Variants in UTRN observed in about 807,000 individuals in gnomAD.
UTRN encodes the protein utrophin, also known as dystrophin-related protein 1.
A neutral mutation model predicts 463.9 loss-of-function variants in UTRN; 283 were observed. The observed-to-expected ratio is 0.61, with a 90% CI of 0.55 to 0.67. The LOEUF is 0.67. UTRN is among the 30% of genes least tolerant of loss of function. UTRN has a pLI of 0.00. For synonymous variants in UTRN, 1,442 were observed against 1,431.5 expected, an observed-to-expected ratio of 1.01 and a Z score of -0.17; for missense variants, 3,922 against 4,084.3, an observed-to-expected ratio of 0.96 and a Z score of 1.08.
chr6:144,409,713 A>T (rs1783714158), intron 3 of UTRN, among the ~76,000 whole-genome samples: 1 of 152,190 alleles, frequency 6.6e-6, no homozygotes, highest in Non-Finnish European at 1.5e-5. Context: ...TTTTAGCTGC[A>T]ATTGCCACAG....
chr6:144,729,241 G>A (rs1490717481), intron 53 of UTRN, among the ~76,000 whole-genome samples: 1 of 151,996 alleles, frequency 6.6e-6, no homozygotes, highest in Admixed American at 6.6e-5. Flanking sequence ...TTTTTTGTGT[G>A]TATGTTGCTT....
chr6:144,469,946 C>T (rs1790350856), intron 23 of UTRN, among the ~76,000 whole-genome samples: 1 of 152,166 alleles, frequency 6.6e-6, no homozygotes, highest in South Asian at 2.1e-4. Context: ...TAACAAAGCA[C>T]ATCTTGCACC....
Position 144,437,557 on chromosome 6 carries a change from C to T in UTRN, c.1060-8C>T, listed in dbSNP as rs193220917. On this transcript the variant is annotated splice_region_variant and splice_polypyrimidine_tract_variant and intron_variant, in intron 10 of 74. Transcript: ENST00000367545. ...TAGCTCACAAATTATAACAATGTCC[C>T]TTTCTAGGCTTTTATGATGGAACTG... 4 of 1,590,202 alleles carry T rather than the reference C, an allele frequency of 2.5e-6. No individual in the cohort carries two copies. The highest frequency in any genetic ancestry group is 2.3e-5 in the East Asian group (1 of 44,272).
intron 51 of UTRN, among the ~76,000 whole-genome samples, chr6:144,600,244 A>C (rs1203472931): frequency 1.3e-5 from 2 of 152,214 alleles, no homozygotes; most frequent in African/African-American, 4.8e-5. Flanking sequence ...GAAGAATTGC[A>C]CAATGCTCAC....
intron 2 of UTRN, among the ~76,000 whole-genome samples, chr6:144,379,107 G>A (rs1468703966): frequency 6.6e-6 from 1 of 152,208 alleles, no homozygotes; most frequent in Non-Finnish European, 1.5e-5. Flanking sequence ...AGCTATCTCA[G>A]TGGAGATGTC....
chr6:144,796,215 A>T (rs1777198805), intron 63 of UTRN, among the ~76,000 whole-genome samples: 1 of 152,144 alleles, frequency 6.6e-6, no homozygotes, highest in South Asian at 2.1e-4. Flanking sequence ...CAAAGATCAG[A>T]TGGTTGTAGA....
intron 41 of UTRN, among the ~76,000 whole-genome samples, chr6:144,523,670 G>A (rs1335205724): frequency 3.9e-5 from 6 of 152,170 alleles, no homozygotes; most frequent in African/African-American, 1.4e-4. Flanking sequence ...ATGTGATCAT[G>A]TATAGATGAC....
Position 144,487,675 on chromosome 6 carries a change from G to T in UTRN, c.3950G>T (p.Arg1317Leu). 6.2e-7 allele frequency: 1 copy of T among 1,612,178 alleles called. No homozygotes were observed. Among genetic ancestry groups the T allele is most frequent in the African/African-American group, 1.3e-5 (1 of 74,950 alleles). The change falls in exon 29 of 75, where the codon CGA (arginine) becomes CTA (leucine). Residue 1317 changes from arginine (R) to leucine (L), a missense_variant. Arg to Leu is a moderately radical substitution (Grantham distance 102, BLOSUM62 -2). Around this residue, in one of 3 missense-constraint regions of UTRN, gnomAD observed 2,349 missense variants for 2,303.8 expected, o/e 1.02. Transcript: ENST00000367545. ...ISEKLEAFNS[R>L]YEDLSHLAES... is the part of the protein sequence containing the mutation. ...GAGAAACTGGAGGCTTTCAACAGCC[G>T]ATATGAAGATCTAAGTCACCTGGTA...
chr6:144,289,614 G>A (rs1289121560), intron 1 of UTRN, among the ~76,000 whole-genome samples: 1 of 151,924 alleles, frequency 6.6e-6, no homozygotes, highest in African/African-American at 2.4e-5. Flanking sequence ...GAGCCACCTC[G>A]CCTAGACCCA....
At chr6:144,774,429 G>A in intron 60 of UTRN, 65 bp downstream of exon 60, 1 of 1,356,448 alleles carries the variant, frequency 7.4e-7, no homozygotes, top group Non-Finnish European at 1.0e-6. Context: ...TTTCCAAGAG[G>A]AAGATAAATG....
intron 72 of UTRN, among the ~76,000 whole-genome samples, chr6:144,840,534 A>T (rs1302651782): frequency 6.6e-6 from 1 of 152,212 alleles, no homozygotes; most frequent in African/African-American, 2.4e-5. Context: ...AACAGCTAGT[A>T]CGTGTCAATT....
rs908627327 is a variant in UTRN at position 144,487,694 on chromosome 6, C to T, written c.3969C>T (p.His1323=). ...AFNSRYEDLS[H]LAESKQISLE... The stretch of plus-strand genomic sequence containing the variant: ...ACAGCCGATATGAAGATCTAAGTCA[C>T]CTGGTAAGAGTTGGGACATACATGG... The change falls in exon 29 of 75, where the codon CAC becomes CAT. Residue 1323 remains histidine, a synonymous_variant. Coordinates refer to ENST00000367545, the MANE Select transcript of UTRN (RefSeq NM_007124.3). 1 of 1,610,796 alleles carries T rather than the reference C, an allele frequency of 6.2e-7. No individual in the cohort carries two copies. Among genetic ancestry groups the T allele is most frequent in the Non-Finnish European group, 8.5e-7 (1 of 1,178,178 alleles).
chr6:144,525,782 A>G (rs930893276), intron 41 of UTRN, among the ~76,000 whole-genome samples: 1 of 150,342 alleles, frequency 6.7e-6, no homozygotes, highest in African/African-American at 2.5e-5. Flanking sequence ...TAGATTGTCT[A>G]TTTGTGCTCT....
chr6:144,555,913 A>G (rs1187545359), intron 49 of UTRN, among the ~76,000 whole-genome samples: 1 of 152,222 alleles, frequency 6.6e-6, no homozygotes, highest in Non-Finnish European at 1.5e-5. Flanking sequence ...GAGGACTACT[A>G]TAGTGAACAA....
chr6:144,378,028 G>A (rs550905719), intron 2 of UTRN, among the ~76,000 whole-genome samples: 1 of 152,298 alleles, frequency 6.6e-6, no homozygotes, highest in African/African-American at 2.4e-5. Flanking sequence ...TTTGTGGTCT[G>A]CCTTTAGGGA....
At chr6:144,456,714 C>T (rs1209360572) in intron 19 of UTRN, among the ~76,000 whole-genome samples, 4 of 150,166 alleles carry the variant, frequency 2.7e-5, no homozygotes, top group Non-Finnish European at 5.9e-5. Flanking sequence ...TAGTGTGTTT[C>T]ATTTGACTTT....
At position 144,519,776 on chromosome 6, in the gene UTRN, A is replaced by G. The variant is rs76264125; in HGVS notation, c.5542-2204A>G. 3.6e-3 allele frequency among the ~76,000 whole-genome samples: 554 copies of G among 152,318 alleles called. 6 individuals carry two copies. Among genetic ancestry groups the G allele is most frequent in the African/African-American group, 0.012 (487 of 41,578 alleles). On this transcript the variant is annotated intron_variant, in intron 39 of 74. Coordinates refer to ENST00000367545, the MANE Select transcript of UTRN (RefSeq NM_007124.3). ...AAAGAGGCAGTCTTAATGAATGGGA[A>G]TTTTTTAAACTTGGATCTTTATGAT...
chr6:144,557,053 T>G lies in UTRN; in HGVS notation c.7135-104T>G, dbSNP rs568666613. Reference sequence around the variant, plus strand: ...CCCAGTCTGTTTTCATCCTGTGATATCTGTATCTAAAGCATGTCAAAATCT... The same window carrying G: ...CCCAGTCTGTTTTCATCCTGTGATAGCTGTATCTAAAGCATGTCAAAATCT... On this transcript the variant is annotated intron_variant, in intron 49 of 74. Transcript: ENST00000367545. The G allele has an allele frequency of 1.2e-4, 171 of 1,387,422 alleles. 1 individual carries two copies. The Admixed American group carries it at 1.7e-3, about 14-fold the overall frequency. 85.9% of individuals were successfully genotyped at this position (1,387,422 alleles called of 1,614,324 possible). A position where few individuals can be genotyped will look rare whatever the true frequency, so the allele number is the denominator to read the frequency against.
At chr6:144,329,227 C>T (rs923991108) in intron 2 of UTRN, among the ~76,000 whole-genome samples, 5 of 151,734 alleles carry the variant, frequency 3.3e-5, no homozygotes, top group Non-Finnish European at 7.4e-5. Context: ...GGACTACAGG[C>T]GCACGCCATC....
Sources: allele counts gnomAD v4.1 joint callset (sites outside exome capture counted in the v4.1 genomes callset), GRCh38; gene constraint gnomAD v4.1.1; regional missense constraint gnomAD v4.1.1; transcripts MANE v1.5; gene names NCBI Gene and HGNC (gene_info 2026-07-23, HGNC 2026-07-21).